ABHD12B: variants seen among roughly 807,000 people sequenced by gnomAD.
ABHD12B encodes the protein abhydrolase domain containing 12B.
A neutral mutation model predicts 50.4 loss-of-function variants in ABHD12B; 42 were observed. The observed-to-expected ratio is 0.83, with a 90% confidence interval of 0.65 to 1.08. The LOEUF is 1.08. Ranked by LOEUF, ABHD12B falls within the 50% of genes least tolerant of loss-of-function variation. The pLI, the probability that ABHD12B is intolerant of heterozygous loss-of-function variation, is 0.00. For synonymous variants in ABHD12B, 167 were observed against 160.3 expected (o/e 1.04, Z -0.32); for missense variants, 479 against 447.7 (o/e 1.07, Z -0.63).
rs972419543 is a variant in ABHD12B at position 50,901,312 on chromosome 14, T to A, written c.781-517T>A. Among the ~76,000 whole-genome samples the A allele has an allele frequency of 2.6e-5, 4 of 152,350 alleles. No homozygotes were observed. In the East Asian group the frequency reaches 7.7e-4, roughly 29 times the overall value. ...TTTAGTATGTCTAGAGTGAGCATTGTTATATCTGGAATCCTGTGGTCATTG... is the reference window on the plus strand; with the variant it reads ...TTTAGTATGTCTAGAGTGAGCATTGATATATCTGGAATCCTGTGGTCATTG... On this transcript the variant is annotated intron_variant, in intron 9 of 12. Transcript: ENST00000337334.
intron 8 of ABHD12B, among the ~76,000 whole-genome samples, chr14:50,887,561 C>T (rs749673163): frequency 6.6e-6 from 1 of 152,132 alleles, no homozygotes; most frequent in Non-Finnish European, 1.5e-5. Flanking sequence ...GTGTGTTTTG[C>T]TCATCTTTGT....
chr14:50,878,271 G>C (rs2049891010), intron 2 of ABHD12B, among the ~76,000 whole-genome samples, 192 bp downstream of exon 2: 1 of 152,226 alleles, frequency 6.6e-6, no homozygotes, highest in Non-Finnish European at 1.5e-5. Context: ...GGAGTAAAGA[G>C]AGATGCATGG....
chr14:50,894,019 T>C (rs535590220), intron 9 of ABHD12B, among the ~76,000 whole-genome samples: 3 of 152,356 alleles, frequency 2.0e-5, no homozygotes, highest in African/African-American at 7.2e-5. Context: ...GTTTCAAGGG[T>C]GTCAGACCAC....
At chr14:50,898,161 G>A (rs908405354) in intron 9 of ABHD12B, among the ~76,000 whole-genome samples, 12 of 152,132 alleles carry the variant, frequency 7.9e-5, no homozygotes, top group Non-Finnish European at 1.2e-4. Context: ...CAAGTCTTTC[G>A]CACTCGTTAT....
chr14:50,901,715 C>A (rs1212883242), intron 9 of ABHD12B, 114 bp from the exon 10 acceptor site: 4 of 522,378 alleles, frequency 7.7e-6, no homozygotes, highest in East Asian at 7.3e-5. Flanking sequence ...GTGAAGTTTA[C>A]CTTACTTAGA....
Position 50,885,892 on chromosome 14 carries a change from C to T in ABHD12B, c.659C>T (p.Thr220Ile). Residue 220 changes from threonine to isoleucine, a missense_variant, in exon 7 of 13, where the codon ACA becomes ATA. Physicochemically the swap from Thr to Ile is moderately conservative, Grantham distance 89. Coordinates refer to ENST00000337334, the MANE Select transcript of ABHD12B (RefSeq NM_001206673.2). Reference protein sequence around the residue: ...PVCLWGHSLGTGVATNAAKVL... With the variant: ...PVCLWGHSLGIGVATNAAKVL... Reference sequence around the variant, plus strand: ...TGTCTCTGGGGCCACTCTCTGGGTACAGGGTAAGTGAGATCTGCAAATGTG... The same window carrying T: ...TGTCTCTGGGGCCACTCTCTGGGTATAGGGTAAGTGAGATCTGCAAATGTG... 1 of 1,614,008 alleles carries T rather than the reference C, an allele frequency of 6.2e-7. No individual in the cohort carries two copies. Among genetic ancestry groups the T allele is most frequent in the South Asian group, 1.1e-5 (1 of 91,072 alleles).
chr14:50,888,127 C>T (rs1017287084), intron 8 of ABHD12B, among the ~76,000 whole-genome samples: 1 of 152,138 alleles, frequency 6.6e-6, no homozygotes. Context: ...CCAAAACAAC[C>T]TAGTCAGCCT....
chr14:50,901,509 C>T (rs1484079948), intron 9 of ABHD12B, among the ~76,000 whole-genome samples: 2 of 143,566 alleles, frequency 1.4e-5, no homozygotes, highest in African/African-American at 5.0e-5. Flanking sequence ...ACAATAGAAG[C>T]AATTTTAGGT....
rs2050027274 is a variant in ABHD12B, at chr14:50,885,790, C to A, written c.557C>A (p.Pro186His). ...YRGFGDSTGK[P>H]TEEGLTTDAI... ...GGATTTGGGGACTCTACAGGTAAGC[C>A]CACAGAGGAGGGACTGACTACGGAT... Residue 186 changes from proline (P) to histidine (H), a missense_variant, in exon 7 of 13, where the codon CCC becomes CAC. Transcript: ENST00000337334. 6.2e-7 allele frequency: 1 copy of A among 1,613,982 alleles called. No homozygotes were observed. Among genetic ancestry groups the A allele is most frequent in the Admixed American group, 1.7e-5 (1 of 59,982 alleles).
chr14:50,884,973 G>T (rs1159392746), intron 5 of ABHD12B, among the ~76,000 whole-genome samples: 1 of 152,042 alleles, frequency 6.6e-6, no homozygotes, highest in Non-Finnish European at 1.5e-5. Context: ...CTACAACTCT[G>T]TGTAGAGTTC....
chr14:50,876,085 G>A (rs984790681), intron 1 of ABHD12B, among the ~76,000 whole-genome samples: 1 of 152,088 alleles, frequency 6.6e-6, no homozygotes, highest in Non-Finnish European at 1.5e-5. Flanking sequence ...GGCTTCTCTG[G>A]GTTTTGATTT....
chr14:50,897,841 A>G lies in ABHD12B; in HGVS notation c.781-3988A>G, dbSNP rs180676636. On this transcript the variant is annotated intron_variant, in intron 9 of 12. Transcript: ENST00000337334. ...AATGTATGTAAAGTACCCAGCTGCT[A>G]GTAAGCACTAGACAAATACTTGTTC... Among the ~76,000 whole-genome samples the G allele has an allele frequency of 2.6e-5, 4 of 152,380 alleles. No individual in the cohort carries two copies. In the East Asian group the frequency reaches 5.8e-4, roughly 22 times the overall value.
chr14:50,895,774 C>G (rs957118712), intron 9 of ABHD12B: 1 of 152,164 alleles, frequency 6.6e-6, no homozygotes, highest in East Asian at 1.9e-4. Context: ...TCCCCATTAC[C>G]TTCTTTTCAA....
At chr14:50,899,901 A>G (rs6572709) in intron 9 of ABHD12B, among the ~76,000 whole-genome samples, 33,684 of 150,614 alleles carry the variant, frequency 0.22, 4,138 homozygotes, top group East Asian at 0.45. Flanking sequence ...CAGCCTAGGC[A>G]ACAGAGTGAG....
intron 9 of ABHD12B, chr14:50,893,542 A>G (rs1443995426): frequency 6.6e-6 from 1 of 152,326 alleles, no homozygotes; most frequent in African/African-American, 2.4e-5. Flanking sequence ...ACCTGCACCC[A>G]GGTGAAATAA....
At chr14:50,885,111 T>C (rs571609735) in intron 5 of ABHD12B, among the ~76,000 whole-genome samples, 153 of 152,302 alleles carry the variant, frequency 1.0e-3, no homozygotes, top group African/African-American at 3.6e-3. Flanking sequence ...ACACAGCAGG[T>C]AAGTGGCAGA....
Position 50,904,806 on chromosome 14 carries a change from C to T in ABHD12B, c.*440C>T, listed in dbSNP as rs11157782. The T allele has an allele frequency of 0.19, 45,119 of 233,158 alleles. 5,536 individuals are homozygous for T. Among genetic ancestry groups the T allele is most frequent in the East Asian group, 0.46 (4,407 of 9,662 alleles). The allele number at this position is 233,158 out of a possible 1,614,324, so 14.4% of individuals were successfully genotyped here. On this transcript the variant is annotated 3_prime_UTR_variant, in exon 13 of 13. Coordinates refer to ENST00000337334, the MANE Select transcript of ABHD12B (RefSeq NM_001206673.2). ...AGATTAGTGCCCTTATAAATTATGA[C>T]CAAAAGAGCTCTTCACTCCTCCTAC...
Position 50,904,393 on chromosome 14 carries a change from G to A in ABHD12B, c.*27G>A. The A allele has an allele frequency of 6.2e-7, 1 of 1,613,692 alleles. No homozygotes were observed. The highest frequency in any genetic ancestry group is 8.5e-7 in the Non-Finnish European group (1 of 1,179,838). ...TCTGGGAGGAGTGGAAATCTTCAAT[G>A]AAGACTTGGCCCAAACACCACCTGT... On this transcript the variant is annotated 3_prime_UTR_variant, in exon 13 of 13. Transcript: ENST00000337334.
intron 9 of ABHD12B, chr14:50,892,670 C>A: frequency 1.2e-6 from 1 of 844,558 alleles, no homozygotes; most frequent in Non-Finnish European, 1.4e-6. Flanking sequence ...GTATTATTCC[C>A]TTTCTCATAT....
Sources: allele counts gnomAD v4.1 joint callset (sites outside exome capture counted in the v4.1 genomes callset), GRCh38; gene constraint gnomAD v4.1.1; transcripts MANE v1.5; gene names NCBI Gene and HGNC (gene_info 2026-07-23, HGNC 2026-07-21).